KCTD8: variants seen among roughly 807,000 people sequenced by gnomAD.
KCTD8 encodes the protein BTB/POZ domain-containing protein KCTD8.
In KCTD8, 27 loss-of-function variants were observed where a neutral mutation model predicts 31.5. The observed-to-expected ratio is 0.86, with a 90% CI of 0.63 to 1.18. KCTD8 has a LOEUF of 1.18. Ranked by LOEUF, KCTD8 falls within the 50% of genes most tolerant of loss-of-function variation. The pLI, the probability that KCTD8 is intolerant of heterozygous loss-of-function variation, is 0.00. For missense variants in KCTD8, 658 were observed against 647.7 expected (o/e 1.02, Z -0.17); for synonymous variants, 290 against 280.0 (o/e 1.04, Z -0.36).
At chr4:44,209,300 G>A (rs1242019950) in intron 1 of KCTD8, among the ~76,000 whole-genome samples, 1 of 152,032 alleles carries the variant, frequency 6.6e-6, no homozygotes, top group Non-Finnish European at 1.5e-5. Context: ...GTTCAAAGGC[G>A]AGATACCCCT....
chr4:44,357,939 T>C (rs1329695710), intron 1 of KCTD8, among the ~76,000 whole-genome samples: 3 of 151,962 alleles, frequency 2.0e-5, no homozygotes, highest in East Asian at 1.9e-4. Context: ...GGGATACAAG[T>C]GCAGAAAGTT....
chr4:44,304,335 T>G (rs778732745), intron 1 of KCTD8, among the ~76,000 whole-genome samples: 1 of 152,090 alleles, frequency 6.6e-6, no homozygotes, highest in Non-Finnish European at 1.5e-5. Context: ...AAAAATGCAA[T>G]AAGGAGAATA....
intron 1 of KCTD8, among the ~76,000 whole-genome samples, chr4:44,427,854 A>G (rs1721385466): frequency 6.6e-6 from 1 of 151,724 alleles, no homozygotes; most frequent in South Asian, 2.1e-4. Flanking sequence ...TAGAAAAAAT[A>G]AAATAACACT....
At chr4:44,339,316 T>C (rs1187980830) in intron 1 of KCTD8, among the ~76,000 whole-genome samples, 1 of 152,070 alleles carries the variant, frequency 6.6e-6, no homozygotes, top group Non-Finnish European at 1.5e-5. Flanking sequence ...TTAGAATCCC[T>C]AGAGAAATTC....
intron 1 of KCTD8, among the ~76,000 whole-genome samples, chr4:44,227,732 CAG>C (rs1313245432): frequency 6.6e-6 from 1 of 152,044 alleles, no homozygotes; most frequent in East Asian, 1.9e-4. Flanking sequence ...CATATTAAAC[CAG>C]AGCCTAAGAG....
rs1380452990 is a variant in KCTD8 at position 44,275,804 on chromosome 4, G to A, written c.962-100554C>T. Among the ~76,000 whole-genome samples the A allele has an allele frequency of 2.6e-5, 4 of 152,022 alleles. No individual in the cohort carries two copies. In the East Asian group the frequency reaches 7.7e-4, roughly 29 times the overall value. On this transcript the variant is annotated intron_variant, in intron 1 of 1. Coordinates refer to ENST00000360029, the MANE Select transcript of KCTD8 (RefSeq NM_198353.3). ...AGAGGTTCAAATGCCAGCCTAGGGA[G>A]AATGCTCTCAGCAAAAGGTATGGTA...
intron 1 of KCTD8, among the ~76,000 whole-genome samples, chr4:44,358,749 T>C (rs1456202474): frequency 2.0e-5 from 3 of 152,094 alleles, no homozygotes; most frequent in Non-Finnish European, 4.4e-5. Flanking sequence ...TTTTGTATTT[T>C]TAGCAGAGAC....
chr4:44,422,012 T>C (rs1345450388), intron 1 of KCTD8, among the ~76,000 whole-genome samples: 1 of 152,166 alleles, frequency 6.6e-6, no homozygotes, highest in African/African-American at 2.4e-5. Context: ...CCATTCCTTC[T>C]TTCTTTGATT....
At chr4:44,285,556 C>T (rs1436711782) in intron 1 of KCTD8, among the ~76,000 whole-genome samples, 2 of 151,984 alleles carry the variant, frequency 1.3e-5, no homozygotes, top group Admixed American at 6.6e-5. Flanking sequence ...ACCACCATGG[C>T]GTATGTATAC....
At chr4:44,312,743 G>A (rs1176710312) in intron 1 of KCTD8, among the ~76,000 whole-genome samples, 1 of 152,044 alleles carries the variant, frequency 6.6e-6, no homozygotes, top group Non-Finnish European at 1.5e-5. Context: ...TCTTTTGTTT[G>A]TTGATATTTT....
chr4:44,430,236 C>T (rs1721441213), intron 1 of KCTD8, among the ~76,000 whole-genome samples: 1 of 151,428 alleles, frequency 6.6e-6, no homozygotes, highest in Non-Finnish European at 1.5e-5. Flanking sequence ...GGAAAAGTTG[C>T]TAAATGGTCC....
At chr4:44,407,934 C>A (rs914407867) in intron 1 of KCTD8, among the ~76,000 whole-genome samples, 6 of 152,176 alleles carry the variant, frequency 3.9e-5, no homozygotes, top group African/African-American at 1.4e-4. Context: ...ATACTCTACA[C>A]AAGGAGTACC....
chr4:44,334,483 C>A (rs1380233014), intron 1 of KCTD8, among the ~76,000 whole-genome samples: 1 of 151,854 alleles, frequency 6.6e-6, no homozygotes, highest in Admixed American at 6.6e-5. Context: ...CAAGAAATAA[C>A]TGAAGGTGGG....
At chr4:44,390,403 C>T (rs984279207) in intron 1 of KCTD8, among the ~76,000 whole-genome samples, 1 of 151,768 alleles carries the variant, frequency 6.6e-6, no homozygotes, top group Non-Finnish European at 1.5e-5. Flanking sequence ...GTCTTTCCCT[C>T]GACCACCTTT....
At chr4:44,326,926 A>AT (rs1334412481) in intron 1 of KCTD8, among the ~76,000 whole-genome samples, 1 of 151,820 alleles carries the variant, frequency 6.6e-6, no homozygotes, top group Non-Finnish European at 1.5e-5. Flanking sequence ...GTTATGTAAG[A>AT]AGTCATTACT....
chr4:44,383,831 T>C (rs182228271), intron 1 of KCTD8, among the ~76,000 whole-genome samples: 1 of 151,884 alleles, frequency 6.6e-6, no homozygotes, highest in Non-Finnish European at 1.5e-5. Context: ...CAAAGTTATA[T>C]CAAACTAAAA....
chr4:44,447,938 CA>C lies in KCTD8; in HGVS notation c.585del (p.Gly196AlafsTer131). ...AVPSGPGAHG[G>X]GGGGGAQDKR... ...TTGTCCTGCGCGCCGCCGCCGCCGC[CA>C]CCACCGTGCGCTCCCGGGCCCGAGG... On this transcript the variant is annotated frameshift_variant, in exon 1 of 2. Coordinates refer to ENST00000360029, the MANE Select transcript of KCTD8 (RefSeq NM_198353.3). LOFTEE classifies it high-confidence loss of function. The C allele has an allele frequency of 6.8e-7, 1 of 1,461,360 alleles. No homozygotes were observed. Among genetic ancestry groups the C allele is most frequent in the Non-Finnish European group, 9.0e-7 (1 of 1,105,248 alleles). The allele number at this position is 1,461,360 out of a possible 1,614,324, so 90.5% of individuals were successfully genotyped here.
chr4:44,309,018 C>T (rs923188492), intron 1 of KCTD8, among the ~76,000 whole-genome samples: 1 of 151,976 alleles, frequency 6.6e-6, no homozygotes, highest in Non-Finnish European at 1.5e-5. Flanking sequence ...CTTGACTGGT[C>T]TTTGACAAAT....
At chr4:44,214,360 T>G (rs1335857890) in intron 1 of KCTD8, among the ~76,000 whole-genome samples, 1 of 152,214 alleles carries the variant, frequency 6.6e-6, no homozygotes, top group African/African-American at 2.4e-5. Flanking sequence ...TGTCTCTCGT[T>G]TCCGTCTACT....
Sources: gnomAD v4.1 joint callset for allele counts (sites outside exome capture counted in the v4.1 genomes callset) on GRCh38, gnomAD v4.1.1 for gene constraint, MANE v1.5 for transcripts, NCBI Gene and HGNC (gene_info 2026-07-23, HGNC 2026-07-21) for gene names.